The following TACC1 variants were observed in gnomAD, a reference collection of about 807,000 sequenced individuals.
The protein encoded by TACC1 is transforming acidic coiled-coil-containing protein 1.
TACC1 carries 48 observed loss-of-function variants against 84.4 expected under a neutral mutation model. The observed-to-expected ratio is 0.57, with a 90% CI of 0.45 to 0.72. The LOEUF (loss-of-function observed/expected upper bound fraction) is 0.72. Ranked by LOEUF, TACC1 falls within the 30% of genes least tolerant of loss-of-function variation. The pLI is 0.00. For synonymous variants in TACC1, 372 were observed against 376.3 expected (o/e 0.99, Z 0.13); for missense variants, 920 against 973.0 (o/e 0.95, Z 0.72).
At chr8:38,805,255 CT>C in intron 2 of TACC1, among the ~76,000 whole-genome samples, 1 of 152,310 alleles carries the variant, frequency 6.6e-6, no homozygotes, top group South Asian at 2.1e-4. Context: ...CAGCTTACTT[CT>C]AAGTCAATAA....
In TACC1 at chr8:38,768,454, G is replaced by A. The variant is rs144328180; in HGVS notation, c.27-20250G>A. Among the ~76,000 whole-genome samples, 3 of 152,320 alleles carry A rather than the reference G, an allele frequency of 2.0e-5. No individual in the cohort carries two copies. The East Asian group carries it at 5.8e-4, about 29-fold the overall frequency. ...ACACAAATGTGTTGATGGACGGTGT[G>A]ATGGAACGTTCTAGTGCCCTCTGGT... On this transcript the variant is annotated intron_variant, in intron 3 of 14. Transcript: ENST00000518415.
At chr8:38,847,338 C>A (rs1832502635) in intron 12 of TACC1, among the ~76,000 whole-genome samples, 1 of 152,160 alleles carries the variant, frequency 6.6e-6, no homozygotes, top group African/African-American at 2.4e-5. Context: ...CAGCCTCTGA[C>A]AACACATTTA....
chr8:38,842,190 C>A, intron 9 of TACC1, 97 bp from the exon 10 acceptor site: 1 of 1,424,366 alleles, frequency 7.0e-7, no homozygotes. Flanking sequence ...TTGGTCACAT[C>A]CCCGGCTGTG....
chr8:38,777,040 G>T (rs1814940902), intron 3 of TACC1, among the ~76,000 whole-genome samples: 1 of 152,118 alleles, frequency 6.6e-6, no homozygotes, highest in Non-Finnish European at 1.5e-5. Flanking sequence ...CGGACCACCT[G>T]AGGTCAGGAG....
In TACC1 at chr8:38,819,933, T is replaced by G; in HGVS notation, c.689T>G (p.Leu230Arg). The change falls in exon 3 of 13, where the codon CTG (leucine) becomes CGG (arginine). Residue 230 changes from leucine (L) to arginine (R), a missense_variant. Around this residue, in one of 2 missense-constraint regions of TACC1, gnomAD observed 762 missense variants for 747.3 expected, o/e 1.02. Coordinates refer to ENST00000317827, the MANE Select transcript of TACC1 (RefSeq NM_006283.3). ...PELVPSRRSK[L>R]RKPKPVPLRK... ...CTTGTGCCCAGCAGAAGAAGCAAGC[T>G]GAGAAAGCCCAAGCCTGTCCCCCTG... The G allele has an allele frequency of 6.2e-7, 1 of 1,614,120 alleles. No individual in the cohort carries two copies. The highest frequency in any genetic ancestry group is 8.5e-7 in the Non-Finnish European group (1 of 1,180,030).
At chr8:38,783,084 ATCTATCTATCTATCTATC>A (rs1816386846), upstream of TACC1, among the ~76,000 whole-genome samples, 3 of 109,388 alleles carry the variant, frequency 2.7e-5, no homozygotes, top group African/African-American at 1.3e-4. Flanking sequence ...CTATCTATCT[ATCTATCTATCTATCTATC>A]TATCTATATA....
intron 6 of TACC1, among the ~76,000 whole-genome samples, chr8:38,834,230 C>T (rs559953929): frequency 6.6e-6 from 1 of 152,334 alleles, no homozygotes; most frequent in South Asian, 2.1e-4. Flanking sequence ...CTTCCAAGCT[C>T]ACTCATGTGG....
intron 2 of TACC1, among the ~76,000 whole-genome samples, chr8:38,815,396 C>T (rs759254441): frequency 1.3e-5 from 2 of 152,164 alleles, no homozygotes; most frequent in Non-Finnish European, 2.9e-5. Context: ...ATTATGTGGA[C>T]TCTAACATAT....
intron 11 of TACC1, among the ~76,000 whole-genome samples, chr8:38,845,917 C>T (rs1332119165): frequency 6.6e-6 from 1 of 152,200 alleles, no homozygotes; most frequent in Non-Finnish European, 1.5e-5. Context: ...TTTTAATTTA[C>T]ATGCCTCTGA....
At chr8:38,765,764 G>A (rs1349336404) in intron 3 of TACC1, among the ~76,000 whole-genome samples, 2 of 152,092 alleles carry the variant, frequency 1.3e-5, no homozygotes, top group Non-Finnish European at 2.9e-5. Flanking sequence ...TTATAATACT[G>A]CGGACGGGAC....
intron 8 of TACC1, chr8:38,839,821 T>A (rs1435781179): frequency 1.2e-5 from 2 of 160,968 alleles, no homozygotes; most frequent in African/African-American, 4.8e-5. Context: ...AAAGGGTGGA[T>A]TGACTCAGGA....
At chr8:38,838,582 T>G in intron 8 of TACC1, 36 bp downstream of exon 8, 1 of 1,502,880 alleles carries the variant, frequency 6.7e-7, no homozygotes, top group Non-Finnish European at 9.3e-7. Context: ...GCTGGATACT[T>G]TTATGCACTG....
chr8:38,764,327 C>G (rs1811802124), intron 3 of TACC1, among the ~76,000 whole-genome samples: 1 of 151,860 alleles, frequency 6.6e-6, no homozygotes, highest in South Asian at 2.1e-4. Flanking sequence ...ATTCACCCTC[C>G]TCAGCCTCCC....
chr8:38,764,827 G>A (rs189922558), intron 3 of TACC1, among the ~76,000 whole-genome samples: 16 of 152,076 alleles, frequency 1.1e-4, no homozygotes, highest in African/African-American at 2.7e-4. Flanking sequence ...GGCTGGGCAC[G>A]GTGGCTAACA....
intron 3 of TACC1, among the ~76,000 whole-genome samples, chr8:38,747,763 A>T (rs922219077): frequency 2.0e-5 from 3 of 152,250 alleles, no homozygotes; most frequent in African/African-American, 7.2e-5. Context: ...TGATACTGTC[A>T]TGGTGGCTAT....
intron 1 of TACC1, among the ~76,000 whole-genome samples, chr8:38,734,602 C>G (rs941542634): frequency 6.6e-6 from 1 of 152,200 alleles, no homozygotes; most frequent in Non-Finnish European, 1.5e-5. Context: ...GCAGGGAGGG[C>G]TTGGTATGTT....
chr8:38,749,667 C>T (rs1382153278), intron 3 of TACC1, among the ~76,000 whole-genome samples: 5 of 152,140 alleles, frequency 3.3e-5, no homozygotes, highest in East Asian at 1.9e-4. Context: ...TCTCAGCTCA[C>T]TGTAACCTCT....
At chr8:38,847,576 G>A (rs1159876784) in intron 12 of TACC1, among the ~76,000 whole-genome samples, 1 of 152,196 alleles carries the variant, frequency 6.6e-6, no homozygotes, top group Non-Finnish European at 1.5e-5. Flanking sequence ...CTAGAACGGT[G>A]CTCCCTGGGA....
chr8:38,746,617 C>T (rs934335722), intron 3 of TACC1, among the ~76,000 whole-genome samples: 2 of 152,068 alleles, frequency 1.3e-5, no homozygotes, highest in East Asian at 1.9e-4. Context: ...TTTGATTGAT[C>T]TGTCTTAAAA....
Sources: gnomAD v4.1 joint callset for allele counts (sites outside exome capture counted in the v4.1 genomes callset) on GRCh38, gnomAD v4.1.1 for gene constraint, gnomAD v4.1.1 regional missense constraint, MANE v1.5 for transcripts, NCBI Gene and HGNC (gene_info 2026-07-23, HGNC 2026-07-21) for gene names.